ADAMTS9: variants seen among roughly 807,000 people sequenced by gnomAD.
ADAMTS9 encodes the protein ADAM metallopeptidase with thrombospondin type 1 motif 9, also known as A disintegrin and metalloproteinase with thrombospondin motifs 9.
Under a neutral mutation model 257.1 loss-of-function variants are expected in ADAMTS9, and 107 were observed. The observed-to-expected ratio is 0.42, with a 90% CI of 0.36 to 0.49. ADAMTS9 has a LOEUF of 0.49. ADAMTS9 is among the 20% of genes least tolerant of loss of function. The pLI, the probability that ADAMTS9 is intolerant of heterozygous loss-of-function variation, is 0.03. For missense variants in ADAMTS9, 2,353 were observed against 2,469.1 expected (o/e 0.95, Z 1.00); for synonymous variants, 982 against 880.9 (o/e 1.11, Z -2.03).
intron 12 of ADAMTS9, among the ~76,000 whole-genome samples, chr3:64,638,523 A>G (rs1044827174): frequency 6.6e-6 from 1 of 152,188 alleles, no homozygotes; most frequent in Non-Finnish European, 1.5e-5. Flanking sequence ...CTTCAGGGCA[A>G]CAGATAGAAC....
rs1364693233 is a variant in ADAMTS9 at position 64,642,005 on chromosome 3, A to C, written c.1711-12T>G. On this transcript the variant is annotated splice_polypyrimidine_tract_variant and intron_variant, in intron 11 of 39. Coordinates refer to ENST00000498707, the MANE Select transcript of ADAMTS9 (RefSeq NM_182920.2). ...CCATACTTGCAGTGCTGTATTTAATAAGGGGAATAGTGAGGGAGACTTGGC... is the reference window on the plus strand; with the variant it reads ...CCATACTTGCAGTGCTGTATTTAATCAGGGGAATAGTGAGGGAGACTTGGC... The C allele has an allele frequency of 1.2e-6, 2 of 1,613,906 alleles. No individual in the cohort carries two copies.
intron 3 of ADAMTS9, among the ~76,000 whole-genome samples, chr3:64,675,118 C>T (rs1701594343): frequency 6.6e-6 from 1 of 152,118 alleles, no homozygotes; most frequent in South Asian, 2.1e-4. Context: ...CCTAACTAGA[C>T]CAGGACATAA....
chr3:64,677,804 C>T (rs1451628610), intron 3 of ADAMTS9, among the ~76,000 whole-genome samples: 1 of 152,114 alleles, frequency 6.6e-6, no homozygotes, highest in Non-Finnish European at 1.5e-5. Context: ...TGGACAGTTC[C>T]TGGTTTTCTC....
chr3:64,622,151 T>A (rs1320909606), intron 18 of ADAMTS9, 47 bp downstream of exon 18: 6 of 1,546,722 alleles, frequency 3.9e-6, no homozygotes, highest in African/African-American at 1.4e-5. Flanking sequence ...AATAAATAAA[T>A]AAAATAAACT....
chr3:64,546,547 T>A (rs2083201883), intron 32 of ADAMTS9, among the ~76,000 whole-genome samples: 1 of 152,210 alleles, frequency 6.6e-6, no homozygotes, highest in Non-Finnish European at 1.5e-5. Flanking sequence ...AGATCCAGAC[T>A]GTCTGGCTTC....
At chr3:64,612,943 C>G (rs2084693716) in intron 22 of ADAMTS9, among the ~76,000 whole-genome samples, 1 of 152,088 alleles carries the variant, frequency 6.6e-6, no homozygotes, top group Non-Finnish European at 1.5e-5. Flanking sequence ...ACATTGGGAG[C>G]CAAAATATCT....
chr3:64,639,510 T>C (rs1057090471), intron 12 of ADAMTS9, among the ~76,000 whole-genome samples: 3 of 151,962 alleles, frequency 2.0e-5, no homozygotes, highest in Admixed American at 6.6e-5. Flanking sequence ...GTGATTTATC[T>C]CTCTCCACTT....
chr3:64,522,954 C>A (rs543890588), intron 38 of ADAMTS9, among the ~76,000 whole-genome samples: 2 of 151,810 alleles, frequency 1.3e-5, no homozygotes, highest in East Asian at 3.9e-4. Context: ...TATATCATCA[C>A]CAAACTAAAT....
intron 6 of ADAMTS9, 48 bp downstream of exon 6, chr3:64,655,528 C>T: frequency 6.8e-7 from 1 of 1,476,010 alleles, no homozygotes; most frequent in Non-Finnish European, 9.5e-7. Flanking sequence ...CACATCCCAT[C>T]AACTTGACCT....
At chr3:64,623,388 C>G (rs1217086125) in intron 16 of ADAMTS9, among the ~76,000 whole-genome samples, 1 of 152,156 alleles carries the variant, frequency 6.6e-6, no homozygotes, top group Non-Finnish European at 1.5e-5. Context: ...AGTACTGACT[C>G]CTTCTGCCAA....
intron 12 of ADAMTS9, among the ~76,000 whole-genome samples, chr3:64,634,941 C>G (rs1700457577): frequency 6.6e-6 from 1 of 152,288 alleles, no homozygotes; most frequent in East Asian, 1.9e-4. Flanking sequence ...AGAGTTGGAT[C>G]TTGGTTCCAA....
intron 29 of ADAMTS9, chr3:64,563,450 T>C (rs570707857): frequency 6.6e-6 from 1 of 152,152 alleles, no homozygotes; most frequent in South Asian, 2.1e-4. Context: ...CTCAACTATA[T>C]GCAGAATCTC....
rs779264812 is a variant in ADAMTS9 at position 64,616,153 on chromosome 3, C to T, written c.2831G>A (p.Arg944Lys). The change falls in exon 20 of 40, where the codon AGG becomes AAG. Residue 944 changes from arginine (R) to lysine (K), a missense_variant. Arg to Lys is a conservative substitution (Grantham distance 26). Around this residue, in one of 3 missense-constraint regions of ADAMTS9, gnomAD observed 1,402 missense variants for 1,441.4 expected, o/e 0.97. Coordinates refer to ENST00000498707, the MANE Select transcript of ADAMTS9 (RefSeq NM_182920.2). ...DCDLRWHVAS[R>K]SECSAQCGLG... The stretch of plus-strand genomic sequence containing the variant: ...GCCACACTGGGCACTACATTCACTC[C>T]TGCTGGCAACATGCCACCTATGCAA... 3.6e-5 allele frequency: 58 copies of T among 1,613,952 alleles called. No individual in the cohort carries two copies. The highest frequency in any genetic ancestry group is 4.7e-5 in the Non-Finnish European group (55 of 1,179,946).
intron 16 of ADAMTS9, among the ~76,000 whole-genome samples, chr3:64,626,383 A>G (rs771867988): frequency 6.6e-6 from 1 of 152,212 alleles, no homozygotes; most frequent in Non-Finnish European, 1.5e-5. Flanking sequence ...GAGTTCATGC[A>G]TTCGTTCTCT....
chr3:64,649,021 G>T (rs1700866335), intron 10 of ADAMTS9, among the ~76,000 whole-genome samples: 1 of 152,084 alleles, frequency 6.6e-6, no homozygotes, highest in Non-Finnish European at 1.5e-5. Context: ...CAAAGAGACA[G>T]AATGGGCCAC....
intron 6 of ADAMTS9, among the ~76,000 whole-genome samples, chr3:64,655,201 G>C (rs1701033937): frequency 6.6e-6 from 1 of 152,212 alleles, no homozygotes. Context: ...CATCTGAACA[G>C]CAGCTGCCCT....
chr3:64,591,130 AG>A (rs1301403388), intron 28 of ADAMTS9, among the ~76,000 whole-genome samples: 1 of 152,154 alleles, frequency 6.6e-6, no homozygotes, highest in Non-Finnish European at 1.5e-5. Flanking sequence ...GTCAACTGAA[AG>A]GCATGTGAGT....
At chr3:64,544,319 C>T (rs921865652) in intron 32 of ADAMTS9, among the ~76,000 whole-genome samples, 1 of 152,106 alleles carries the variant, frequency 6.6e-6, no homozygotes, top group Non-Finnish European at 1.5e-5. Flanking sequence ...CAATCCTAAG[C>T]CGAAAGAACA....
Position 64,522,374 on chromosome 3 carries a change from T to C in ADAMTS9, c.5719-114A>G, listed in dbSNP as rs17070911. 3,670 of 879,486 alleles carry C rather than the reference T, an allele frequency of 4.2e-3. 81 individuals are homozygous for C. In the African/African-American group the frequency reaches 0.052, roughly 13 times the overall value. 54.5% of individuals were successfully genotyped at this position (879,486 alleles called of 1,614,324 possible). A position where few individuals can be genotyped will look rare whatever the true frequency, so the allele number is the denominator to read the frequency against. On this transcript the variant is annotated intron_variant, in intron 38 of 39. Transcript: ENST00000498707. Reference sequence around the variant, plus strand: ...ACAGTAAACAGGCCTTCTGAACTGATGTGAAGCCCAACATACTCACCATGG... The same window carrying C: ...ACAGTAAACAGGCCTTCTGAACTGACGTGAAGCCCAACATACTCACCATGG...
Sources: allele counts gnomAD v4.1 joint callset (sites outside exome capture counted in the v4.1 genomes callset), GRCh38; gene constraint gnomAD v4.1.1; regional missense constraint gnomAD v4.1.1; transcripts MANE v1.5; gene names NCBI Gene and HGNC (gene_info 2026-07-23, HGNC 2026-07-21).